The following PNPLA7 variants were observed in gnomAD, a reference collection of about 807,000 sequenced individuals.
PNPLA7 encodes patatin like domain 7, lysophospholipase.
A neutral mutation model predicts 161.7 loss-of-function variants in PNPLA7; 153 were observed. The observed-to-expected ratio is 0.95, with a 90% confidence interval of 0.83 to 1.08. The LOEUF is 1.08. Among genes scored for constraint, PNPLA7 ranks in the 50% least tolerant of loss-of-function variants. The pLI is 0.00. For missense variants in PNPLA7, 1,739 were observed against 1,856.6 expected, an observed-to-expected ratio of 0.94 and a Z score of 1.16; for synonymous variants, 809 against 782.1, an observed-to-expected ratio of 1.03 and a Z score of -0.57.
chr9:137,478,405 G>T (rs111929636), intron 24 of PNPLA7: 15,586 of 356,034 alleles, frequency 0.044, 463 homozygotes, highest in Middle Eastern at 0.081. Flanking sequence ...GGGCCCGGGT[G>T]GGGGGCCAGA....
At chr9:137,479,508 C>T (rs1832104445) in intron 23 of PNPLA7, 14 of 1,185,146 alleles carry the variant, frequency 1.2e-5, no homozygotes, top group Non-Finnish European at 1.5e-5. Context: ...CTCATAAACA[C>T]ACACAGCAAC....
rs531601193 is a variant in PNPLA7 at position 137,476,519 on chromosome 9, A to C, written c.2882+1515T>G. ...TCAACAATCTAAAACTAAAAAAAAA[A>C]CCAAAAACTTAGTAGAATAGGAATA... On this transcript the variant is annotated intron_variant, in intron 25 of 34. Coordinates refer to ENST00000406427, the MANE Select transcript of PNPLA7 (RefSeq NM_001098537.3). The surrounding 1 kb of genome is among the most constrained non-coding windows in gnomAD (Gnocchi z 4.5). Among the ~76,000 whole-genome samples the C allele has an allele frequency of 5.0e-4, 76 of 152,266 alleles. No homozygotes were observed. Among genetic ancestry groups the C allele is most frequent in the Admixed American group, 8.5e-4 (13 of 15,296 alleles).
chr9:137,496,769 G>A (rs980133741), intron 18 of PNPLA7, among the ~76,000 whole-genome samples: 2 of 152,150 alleles, frequency 1.3e-5, no homozygotes, highest in Non-Finnish European at 2.9e-5. Flanking sequence ...GCCCCAGGCC[G>A]TGGCACCTTG....
chr9:137,499,630 G>A lies in PNPLA7; in HGVS notation c.1757+1061C>T, dbSNP rs989246227. Among the ~76,000 whole-genome samples the A allele has an allele frequency of 3.3e-5, 5 of 152,226 alleles. No individual in the cohort carries two copies. The highest frequency in any genetic ancestry group is 7.3e-5 in the Non-Finnish European group (5 of 68,038). Reference sequence around the variant, plus strand: ...TCGGGACCTGGCTGGAGCCACTCAGGCCAGGCCTGGAAGACAGAGGCCATG... The same window carrying A: ...TCGGGACCTGGCTGGAGCCACTCAGACCAGGCCTGGAAGACAGAGGCCATG... On this transcript the variant is annotated intron_variant, in intron 16 of 34. Coordinates refer to ENST00000406427, the MANE Select transcript of PNPLA7 (RefSeq NM_001098537.3). The surrounding 1 kb of genome is among the most constrained non-coding windows in gnomAD (Gnocchi z 5.5).
intron 25 of PNPLA7, among the ~76,000 whole-genome samples, chr9:137,471,052 A>T (rs1831679221): frequency 6.6e-6 from 1 of 152,284 alleles, no homozygotes; most frequent in Non-Finnish European, 1.5e-5. Context: ...TCCACAGTGC[A>T]GCGGTGGTTC....
chr9:137,522,194 C>T (rs1361657603), intron 9 of PNPLA7, among the ~76,000 whole-genome samples: 4 of 152,228 alleles, frequency 2.6e-5, no homozygotes, highest in African/African-American at 4.8e-5. Flanking sequence ...CCTGCCTCAG[C>T]CTCCCGAGTA....
intron 4 of PNPLA7, among the ~76,000 whole-genome samples, chr9:137,545,939 T>G (rs893845050): frequency 2.0e-5 from 3 of 151,948 alleles, no homozygotes; most frequent in Non-Finnish European, 4.4e-5. Context: ...GAGTCTCCCT[T>G]TCCCCAGGGG....
At position 137,463,551 on chromosome 9, in the gene PNPLA7, C is replaced by G. The variant is rs554080024; in HGVS notation, c.3227-20G>C. 6.6e-4 allele frequency: 1,010 copies of G among 1,541,348 alleles called. 13 individuals carry two copies. The South Asian group carries it at 0.011, about 17-fold the overall frequency. On this transcript the variant is annotated intron_variant, in intron 28 of 34. Transcript: ENST00000406427. ...GGGAGCCTGGGGAGGGGGCCCGGAG[C>G]TGCTGGTTACCCGGAGGAGGCTCCT... is the stretch of plus-strand genomic sequence containing the variant.
chr9:137,488,785 C>T (rs1227865355), intron 20 of PNPLA7, among the ~76,000 whole-genome samples: 2 of 143,310 alleles, frequency 1.4e-5, no homozygotes, highest in Admixed American at 7.0e-5. Context: ...AGCAGGAAAC[C>T]TCTTCACCAA....
chr9:137,519,006 G>A (rs553237012), intron 11 of PNPLA7, among the ~76,000 whole-genome samples: 4 of 113,724 alleles, frequency 3.5e-5, no homozygotes, highest in African/African-American at 1.4e-4. Flanking sequence ...ACTCCACTCT[G>A]TCCACTCCAT....
intron 12 of PNPLA7, among the ~76,000 whole-genome samples, chr9:137,511,263 C>T: frequency 6.6e-6 from 1 of 150,956 alleles, no homozygotes. Flanking sequence ...CTTAGTGGAC[C>T]TTGGCCTGGT....
intron 18 of PNPLA7, 71 bp from the exon 19 acceptor site, chr9:137,495,217 G>A: frequency 9.2e-7 from 1 of 1,081,414 alleles, no homozygotes; most frequent in Non-Finnish European, 1.3e-6. Flanking sequence ...GTCCCTGACA[G>A]CCTCCGGTGC....
At chr9:137,503,889 GAAGAAGAAGAAGGAAGAAGA>G (rs1833716525) in intron 14 of PNPLA7, among the ~76,000 whole-genome samples, 1 of 12,404 alleles carries the variant, frequency 8.1e-5, no homozygotes, top group Non-Finnish European at 1.8e-4. Context: ...AAAGAAGAAG[GAAGAAGAAGAAGGAAGAAGA>G]AAGAAGAAGG....
chr9:137,510,110 C>T (rs1438603667), intron 12 of PNPLA7, among the ~76,000 whole-genome samples: 5 of 152,252 alleles, frequency 3.3e-5, no homozygotes, highest in African/African-American at 9.6e-5. Flanking sequence ...TCTGGGAAGA[C>T]GCCCGTTACC....
chr9:137,471,346 A>C (rs931770452), intron 25 of PNPLA7, among the ~76,000 whole-genome samples: 2 of 152,192 alleles, frequency 1.3e-5, no homozygotes, highest in Admixed American at 6.5e-5. Flanking sequence ...CACGCCTGTA[A>C]TCCTAGCACT....
In PNPLA7 at chr9:137,503,780, A is replaced by AGAG. The variant is rs1282301572; in HGVS notation, c.1473+1833_1473+1834insCTC. 5.3e-3 allele frequency among the ~76,000 whole-genome samples: 16 copies of AGAG among 3,018 alleles called. 1 individual carries two copies. The highest frequency in any genetic ancestry group is 0.025 in the African/African-American group (14 of 556). 2.0% of individuals were successfully genotyped at this position (3,018 alleles called of 152,430 possible). On this transcript the variant is annotated intron_variant, in intron 14 of 34. Transcript: ENST00000406427. Reference sequence around the variant, plus strand: ...AAAAGAAAGAAAAAGAAGAAAAAAGAAAGAAGAGAATGAAGAAGAAGGAAG... The same window carrying AGAG: ...AAAAGAAAGAAAAAGAAGAAAAAAGAGAGAAGAAGAGAATGAAGAAGAAGGAAG...
At chr9:137,518,495 A>C (rs958932396) in intron 11 of PNPLA7, among the ~76,000 whole-genome samples, 2 of 17,050 alleles carry the variant, frequency 1.2e-4, no homozygotes, top group African/African-American at 2.3e-4. Flanking sequence ...CACTCACTCC[A>C]CTCTGTCCAC....
In PNPLA7 at chr9:137,462,019, C is replaced by A; in HGVS notation, c.3668G>T (p.Arg1223Leu). 1 of 1,600,532 alleles carries A rather than the reference C, an allele frequency of 6.2e-7. No homozygotes were observed. Residue 1223 changes from arginine to leucine, a missense_variant, in exon 32 of 35, where the codon CGC becomes CTC. Physicochemically the swap from Arg to Leu is moderately radical, Grantham distance 102. Around this residue, in one of 6 missense-constraint regions of PNPLA7, gnomAD observed 703 missense variants for 694.6 expected, o/e 1.01. Transcript: ENST00000406427. The stretch of plus-strand genomic sequence containing the variant: ...GCGGCCCCAGATGTCAAACACCGTG[C>A]GCCCGTGCTGGTAGCCCACTTCCTG... The part of the protein sequence containing the change: ...EICEVGYQHG[R>L]TVFDIWGRSG...
chr9:137,503,838 AG>A lies in PNPLA7; in HGVS notation c.1473+1775del, dbSNP rs1588625278. 4.3e-5 allele frequency among the ~76,000 whole-genome samples: 3 copies of A among 69,656 alleles called. No homozygotes were observed. In the East Asian group the frequency reaches 1.8e-3, roughly 41 times the overall value. 45.7% of individuals were successfully genotyped at this position (69,656 alleles called of 152,430 possible). On this transcript the variant is annotated intron_variant, in intron 14 of 34. Coordinates refer to ENST00000406427, the MANE Select transcript of PNPLA7 (RefSeq NM_001098537.3). The stretch of plus-strand genomic sequence containing the variant: ...AAGATGAAGGAAGAAGAAAGAAGCA[AG>A]AAGAAGAAGGAAGAAGAAGAAGGAG...
Sources: allele counts gnomAD v4.1 joint callset (sites outside exome capture counted in the v4.1 genomes callset), GRCh38; gene constraint gnomAD v4.1.1; regional missense constraint gnomAD v4.1.1; non-coding constraint Gnocchi (gnomAD v3.1); transcripts MANE v1.5; gene names NCBI Gene and HGNC (gene_info 2026-07-23, HGNC 2026-07-21).